The following TDRP variants were observed in gnomAD, a reference collection of about 807,000 sequenced individuals.
The protein encoded by TDRP is testis development-related protein.
TDRP carries 12 observed loss-of-function variants against 10.5 expected under a neutral mutation model. The ratio of observed to expected loss-of-function variants is 1.15; its 90% CI spans 0.73 to 1.86. The LOEUF is 1.86. Ranked by LOEUF, TDRP falls within the 40% of genes most tolerant of loss-of-function variation. The pLI is 0.00. For missense variants in TDRP, 353 were observed against 229.2 expected (o/e 1.54, Z -3.49); for synonymous variants, 139 against 95.4 (o/e 1.46, Z -2.67).
chr8:523,619 G>C (rs1801961435), intron 1 of TDRP, among the ~76,000 whole-genome samples: 2 of 152,192 alleles, frequency 1.3e-5, no homozygotes, highest in African/African-American at 2.4e-5. Flanking sequence ...GCTGACTAAA[G>C]AGCCCTTGGG....
chr8:532,844 C>T (rs1271595190), intron 1 of TDRP, among the ~76,000 whole-genome samples: 1 of 66,748 alleles, frequency 1.5e-5, no homozygotes, highest in Non-Finnish European at 5.4e-5. Context: ...CAGCCACGAT[C>T]GTTCATTTAC....
At position 502,827 on chromosome 8, in the gene TDRP, C is replaced by T. The variant is rs73672336; in HGVS notation, c.109-8230G>A. Among the ~76,000 whole-genome samples the T allele has an allele frequency of 7.3e-3, 1,102 of 151,542 alleles. 12 individuals are homozygous for T. The highest frequency in any genetic ancestry group is 0.025 in the African/African-American group (1,046 of 41,242). ...ATGCCCACCTCAACACATGTCAACACAGAATCCAGAGCCACACATCAGAAC... is the reference window on the plus strand; with the variant it reads ...ATGCCCACCTCAACACATGTCAACATAGAATCCAGAGCCACACATCAGAAC... On this transcript the variant is annotated intron_variant, in intron 1 of 2. Coordinates refer to ENST00000324079, the MANE Select transcript of TDRP (RefSeq NM_001384899.1).
At chr8:500,650 T>C (rs1356036433) in intron 1 of TDRP, among the ~76,000 whole-genome samples, 1 of 152,258 alleles carries the variant, frequency 6.6e-6, no homozygotes, top group Non-Finnish European at 1.5e-5. Flanking sequence ...AATGTAAAAT[T>C]CAAGCATTAA....
chr8:522,301 G>T (rs1801926493), intron 1 of TDRP, among the ~76,000 whole-genome samples: 1 of 152,128 alleles, frequency 6.6e-6, no homozygotes, highest in Admixed American at 6.5e-5. Flanking sequence ...GGAATTAAAA[G>T]AAATTAAAGA....
chr8:542,980 C>A lies in TDRP; in HGVS notation c.108+1670G>T, dbSNP rs961052926. Among the ~76,000 whole-genome samples, 4 of 151,530 alleles carry A rather than the reference C, an allele frequency of 2.6e-5. No individual in the cohort carries two copies. In the South Asian group the frequency reaches 8.4e-4, roughly 32 times the overall value. On this transcript the variant is annotated intron_variant, in intron 1 of 2. Coordinates refer to ENST00000324079, the MANE Select transcript of TDRP (RefSeq NM_001384899.1). ...AGGATACGAGGAAGAATCTCCTATTCTTCTACTTTTCCGCATGTTAGAAAT... is the reference window on the plus strand; with the variant it reads ...AGGATACGAGGAAGAATCTCCTATTATTCTACTTTTCCGCATGTTAGAAAT...
At chr8:492,860 A>C (rs986051587) in intron 2 of TDRP, 116 bp from the exon 3 acceptor site, 9 of 789,240 alleles carry the variant, frequency 1.1e-5, no homozygotes, top group Non-Finnish European at 1.7e-5. Flanking sequence ...GAAAACTAAC[A>C]CAAGTCTATA....
At chr8:515,918 A>T (rs1801745763) in intron 1 of TDRP, among the ~76,000 whole-genome samples, 1 of 152,178 alleles carries the variant, frequency 6.6e-6, no homozygotes, top group South Asian at 2.1e-4. Context: ...ATATAAAAGA[A>T]ATAAAAAATA....
At position 504,483 on chromosome 8, in the gene TDRP, C is replaced by T. The variant is rs560659680; in HGVS notation, c.109-9886G>A. Among the ~76,000 whole-genome samples the T allele has an allele frequency of 7.9e-5, 12 of 152,260 alleles. No individual in the cohort carries two copies. The South Asian group carries it at 1.0e-3, about 13-fold the overall frequency. On this transcript the variant is annotated intron_variant, in intron 1 of 2. Transcript: ENST00000324079. ...TAAGAAACCCACTCACCAAGTGAAA[C>T]GAGAACGGAGCCCCCTACCCTGCAG...
chr8:510,305 C>T (rs553294402), intron 1 of TDRP, among the ~76,000 whole-genome samples: 1 of 152,140 alleles, frequency 6.6e-6, no homozygotes, highest in Admixed American at 6.5e-5. Context: ...AACCACCCCC[C>T]ATCCCGAGGC....
At chr8:498,222 G>T (rs1801186648) in intron 1 of TDRP, among the ~76,000 whole-genome samples, 1 of 152,144 alleles carries the variant, frequency 6.6e-6, no homozygotes, top group Non-Finnish European at 1.5e-5. Flanking sequence ...AAAAGCCACA[G>T]GCACTCAATG....
chr8:509,060 C>T (rs777956106), intron 1 of TDRP, among the ~76,000 whole-genome samples: 38 of 152,242 alleles, frequency 2.5e-4, no homozygotes, highest in African/African-American at 8.7e-4. Flanking sequence ...ACAACCAGCT[C>T]GTGCTGATGC....
At chr8:530,024 T>C (rs1200757661) in intron 1 of TDRP, among the ~76,000 whole-genome samples, 3 of 152,166 alleles carry the variant, frequency 2.0e-5, no homozygotes, top group Non-Finnish European at 4.4e-5. Context: ...GTCCACTCAA[T>C]GGTGTGCCAT....
At chr8:495,720 G>A (rs1241194724) in intron 1 of TDRP, among the ~76,000 whole-genome samples, 1 of 152,196 alleles carries the variant, frequency 6.6e-6, no homozygotes, top group Non-Finnish European at 1.5e-5. Context: ...CCTGAAAGCT[G>A]ACCTGAGGCT....
chr8:538,413 C>T (rs1747248758), intron 1 of TDRP, among the ~76,000 whole-genome samples: 1 of 152,130 alleles, frequency 6.6e-6, no homozygotes, highest in South Asian at 2.1e-4. Flanking sequence ...CTTCCCGGTC[C>T]CTCCTCCTTT....
intron 1 of TDRP, among the ~76,000 whole-genome samples, chr8:527,295 G>C (rs1349557461): frequency 1.3e-5 from 2 of 152,104 alleles, no homozygotes; most frequent in Non-Finnish European, 1.5e-5. Context: ...GATATTTCAT[G>C]TTCATGGACT....
At position 491,639 on chromosome 8, in the gene TDRP, AACTG is replaced by A. The variant is rs1219539913; in HGVS notation, c.*756_*759del. 102 of 1,532,024 alleles carry A rather than the reference AACTG, an allele frequency of 6.7e-5. 2 individuals carry two copies. The Middle Eastern group carries it at 2.3e-3, about 35-fold the overall frequency. 94.9% of individuals were successfully genotyped at this position (1,532,024 alleles called of 1,614,324 possible). A position where few individuals can be genotyped will look rare whatever the true frequency, so the allele number is the denominator to read the frequency against. On this transcript the variant is annotated 3_prime_UTR_variant, in exon 3 of 3. Transcript: ENST00000324079. Reference sequence around the variant, plus strand: ...ACAATGTTTCCTAAATGAAATTATCAACTGACTAAAATTGATCCATACTTCTTTA... The same window carrying A: ...ACAATGTTTCCTAAATGAAATTATCAACTAAAATTGATCCATACTTCTTTA...
At chr8:521,655 T>C (rs907227255) in intron 1 of TDRP, among the ~76,000 whole-genome samples, 1 of 152,234 alleles carries the variant, frequency 6.6e-6, no homozygotes, top group Admixed American at 6.5e-5. Flanking sequence ...TGTTTTCAAG[T>C]TGGAAAGTGT....
intron 1 of TDRP, among the ~76,000 whole-genome samples, chr8:539,586 C>T (rs935798350): frequency 5.3e-5 from 8 of 152,188 alleles, no homozygotes; most frequent in Admixed American, 1.3e-4. Flanking sequence ...GTGTTTACTG[C>T]AGGTTAATGT....
chr8:506,108 C>T (rs1801458390), intron 1 of TDRP, among the ~76,000 whole-genome samples: 1 of 152,148 alleles, frequency 6.6e-6, no homozygotes, highest in Admixed American at 6.5e-5. Context: ...CACATGAACA[C>T]TATTTTTTCA....
Sources: gnomAD v4.1 joint callset for allele counts (sites outside exome capture counted in the v4.1 genomes callset) on GRCh38, gnomAD v4.1.1 for gene constraint, MANE v1.5 for transcripts, NCBI Gene and HGNC (gene_info 2026-07-23, HGNC 2026-07-21) for gene names.